TEX48: variants seen among roughly 807,000 people sequenced by gnomAD.
TEX48 encodes testis expressed 48.
A neutral mutation model predicts 13.2 loss-of-function variants in TEX48; 10 were observed. That is an observed-to-expected ratio of 0.75 (90% CI 0.47 to 1.28). TEX48 has a LOEUF of 1.28. Among genes scored for constraint, TEX48 ranks in the 50% most tolerant of loss-of-function variants. TEX48 has a pLI of 0.00. For synonymous variants in TEX48, 45 were observed against 52.3 expected (o/e 0.86, Z 0.60); for missense variants, 116 against 139.4 (o/e 0.83, Z 0.84).
chr9:114,673,914 T>C (rs1158094417), intron 1 of TEX48, among the ~76,000 whole-genome samples: 1 of 151,868 alleles, frequency 6.6e-6, no homozygotes, highest in South Asian at 2.1e-4. Flanking sequence ...CAAGTGATCC[T>C]CCTGCTTCAG....
chr9:114,675,828 G>A (rs1237652440), intron 1 of TEX48, among the ~76,000 whole-genome samples: 1 of 152,184 alleles, frequency 6.6e-6, no homozygotes, highest in Non-Finnish European at 1.5e-5. Context: ...ATGCTGTATA[G>A]GCAGCTTCCC....
At chr9:114,668,138 G>A in intron 4 of TEX48, 68 bp downstream of exon 4, 1 of 1,526,368 alleles carries the variant, frequency 6.6e-7, no homozygotes, top group Middle Eastern at 2.0e-4. Context: ...AATGGGGTCT[G>A]GTTATTAGGA....
intron 1 of TEX48, among the ~76,000 whole-genome samples, chr9:114,679,196 A>G (rs538310821): frequency 7.9e-5 from 12 of 151,782 alleles, no homozygotes; most frequent in African/African-American, 2.7e-4. Flanking sequence ...TTTAGAAAAA[A>G]TCAATTGGAA....
At chr9:114,678,306 C>A (rs1027264441) in intron 1 of TEX48, among the ~76,000 whole-genome samples, 1 of 152,140 alleles carries the variant, frequency 6.6e-6, no homozygotes, top group Non-Finnish European at 1.5e-5. Context: ...CCCAAATAAA[C>A]TTTTTCAGGG....
At chr9:114,679,326 AG>A (rs1828141086) in intron 1 of TEX48, among the ~76,000 whole-genome samples, 1 of 150,534 alleles carries the variant, frequency 6.6e-6, no homozygotes, top group African/African-American at 2.5e-5. Context: ...AAATAAAGAC[AG>A]GACCCAAATC....
intron 3 of TEX48, among the ~76,000 whole-genome samples, chr9:114,670,304 C>T (rs796305765): frequency 7.2e-5 from 11 of 152,118 alleles, no homozygotes; most frequent in African/African-American, 2.4e-4. Flanking sequence ...TTTTAAGGTT[C>T]CTGATTTTTA....
At chr9:114,667,434 C>T (rs1324479398) in intron 4 of TEX48, among the ~76,000 whole-genome samples, 2 of 152,138 alleles carry the variant, frequency 1.3e-5, no homozygotes, top group African/African-American at 2.4e-5. Context: ...ATTTCACCCC[C>T]AGTTGAACTA....
At chr9:114,672,882 G>A (rs181838994) in intron 1 of TEX48, among the ~76,000 whole-genome samples, 4 of 152,284 alleles carry the variant, frequency 2.6e-5, no homozygotes, top group Admixed American at 1.3e-4. Flanking sequence ...AAGAAAATAT[G>A]TATTGGGTAG....
At chr9:114,680,120 C>CTTTTTTTTATTTTTTT (rs2079145442) in intron 1 of TEX48, among the ~76,000 whole-genome samples, 1 of 52,126 alleles carries the variant, frequency 1.9e-5, no homozygotes, top group African/African-American at 8.1e-5. Flanking sequence ...TGTCATTGTC[C>CTTTTTTTTATTTTTTT]CTTTTTTTTT....
At position 114,669,445 on chromosome 9, in the gene TEX48, AT is replaced by A. The variant is rs56767824; in HGVS notation, c.128-1109del. ...AGGTGTGCACCACCATGGCTGGCTA[AT>A]TTTTTTTTTTTTGAGATAGAGTTTC... On this transcript the variant is annotated intron_variant, in intron 3 of 4. Coordinates refer to ENST00000436752, the MANE Select transcript of TEX48 (RefSeq NM_001199233.2). 2.5e-3 allele frequency among the ~76,000 whole-genome samples: 364 copies of A among 143,028 alleles called. 2 individuals are homozygous for A. Among genetic ancestry groups the A allele is most frequent in the East Asian group, 0.014 (70 of 4,874 alleles). 93.8% of individuals were successfully genotyped at this position (143,028 alleles called of 152,430 possible).
At chr9:114,676,861 CCA>C in intron 1 of TEX48, among the ~76,000 whole-genome samples, 1 of 152,216 alleles carries the variant, frequency 6.6e-6, no homozygotes, top group African/African-American at 2.4e-5. Flanking sequence ...AGTGATCTGC[CCA>C]TCTCGGCCTC....
chr9:114,666,680 T>C lies in TEX48; in HGVS notation c.326A>G (p.His109Arg), dbSNP rs1055207. 914,115 of 1,531,932 alleles carry C rather than the reference T, an allele frequency of 0.6. 277,668 individuals carry two copies. Among genetic ancestry groups the C allele is most frequent in the African/African-American group, 0.87 (63,822 of 73,040 alleles). 94.9% of individuals were successfully genotyped at this position (1,531,932 alleles called of 1,614,324 possible). A position where few individuals can be genotyped will look rare whatever the true frequency, so the allele number is the denominator to read the frequency against. The change falls in exon 5 of 5, where the codon CAC becomes CGC. Residue 109 changes from histidine to arginine, a missense_variant. Transcript: ENST00000436752. ...AGTGAGGCATGGCTGGAATGGCCAG[T>C]GCTCCTGGCAGTAGCGGTTTAAGTT... Reference protein sequence around the residue: ...KRNLNRYCQEHWPFQPCLTGR... With the variant: ...KRNLNRYCQERWPFQPCLTGR...
At chr9:114,672,775 A>G (rs1370577473) in intron 1 of TEX48, among the ~76,000 whole-genome samples, 1 of 152,216 alleles carries the variant, frequency 6.6e-6, no homozygotes, top group Non-Finnish European at 1.5e-5. Flanking sequence ...ATAGGAAAAA[A>G]TGGGTATAGT....
chr9:114,671,257 T>C, intron 3 of TEX48, 126 bp downstream of exon 3: 1 of 1,148,214 alleles, frequency 8.7e-7, no homozygotes, highest in Non-Finnish European at 1.2e-6. Context: ...AACACCCACC[T>C]CATTTTAAAT....
chr9:114,671,472 C>G lies in TEX48; in HGVS notation c.38G>C (p.Cys13Ser). Residue 13 changes from cysteine to serine, a missense_variant, in exon 3 of 5, where the codon TGT becomes TCT. By Grantham distance (112) the Cys-to-Ser change is moderately radical. Transcript: ENST00000436752. ...AHQNLILKIF[C>S]LCCRDCQEPY... ...CTCCTGACAGTCCCTGCAGCATAAA[C>G]AGAAGATCTTCAAGATCAGGTTTTG... The G allele has an allele frequency of 6.5e-7, 1 of 1,535,556 alleles. No homozygotes were observed. The highest frequency in any genetic ancestry group is 8.7e-7 in the Non-Finnish European group (1 of 1,146,846).
chr9:114,670,493 T>C (rs1192556501), intron 3 of TEX48, among the ~76,000 whole-genome samples: 1 of 42,752 alleles, frequency 2.3e-5, no homozygotes, highest in Non-Finnish European at 5.5e-5. Flanking sequence ...ATAGTGCTTC[T>C]TTTTTTTTTT....
At chr9:114,667,627 C>T (rs1342920227) in intron 4 of TEX48, among the ~76,000 whole-genome samples, 1 of 152,046 alleles carries the variant, frequency 6.6e-6, no homozygotes, top group Non-Finnish European at 1.5e-5. Flanking sequence ...CCGCCAGGTG[C>T]GGTGGTTACA....
In TEX48 at chr9:114,676,620, C is replaced by CTT. The variant is rs112453573; in HGVS notation, c.-104-4795_-104-4794dup. Among the ~76,000 whole-genome samples, 220 of 143,966 alleles carry CTT rather than the reference C, an allele frequency of 1.5e-3. 1 individual carries two copies. The highest frequency in any genetic ancestry group is 5.1e-3 in the South Asian group (23 of 4,550). The allele number at this position is 143,966 out of a possible 152,430, so 94.4% of individuals were successfully genotyped here. ...GGAAGCAGGGACAGTATTTTATTCA[C>CTT]TTTTTTTTTTTTTTGAGATGGAGTC... On this transcript the variant is annotated intron_variant, in intron 1 of 4. Transcript: ENST00000436752.
chr9:114,680,768 C>G (rs56039628), intron 1 of TEX48, among the ~76,000 whole-genome samples: 321 of 152,276 alleles, frequency 2.1e-3, no homozygotes, highest in African/African-American at 7.5e-3. Context: ...ACGGTAACAA[C>G]GAATCCCCAG....
Sources: allele counts gnomAD v4.1 joint callset (sites outside exome capture counted in the v4.1 genomes callset), GRCh38; gene constraint gnomAD v4.1.1; transcripts MANE v1.5; gene names NCBI Gene and HGNC (gene_info 2026-07-23, HGNC 2026-07-21).